The following PSMA5 variants were observed in gnomAD, a reference collection of about 807,000 sequenced individuals.
PSMA5 encodes the protein proteasome subunit alpha type-5.
Under a neutral mutation model 34.5 loss-of-function variants are expected in PSMA5, and 3 were observed. That is an observed-to-expected ratio of 0.09 (90% CI 0.04 to 0.22). The LOEUF (loss-of-function observed/expected upper bound fraction) is 0.22, where lower values mean the gene tolerates loss of function less well. PSMA5 is among the 10% of genes least tolerant of loss of function. The pLI, the probability that PSMA5 is intolerant of heterozygous loss-of-function variation, is 1.00. For synonymous variants in PSMA5, 88 were observed against 95.8 expected, an observed-to-expected ratio of 0.92 and a Z score of 0.47; for missense variants, 120 against 286.1, an observed-to-expected ratio of 0.42 and a Z score of 4.19.
chr1:109,419,133 A>C (rs1328461811), intron 2 of PSMA5, among the ~76,000 whole-genome samples: 1 of 152,224 alleles, frequency 6.6e-6, no homozygotes, highest in African/African-American at 2.4e-5. Flanking sequence ...AGCCTGGGCA[A>C]CAAGAGCAAA....
At chr1:109,424,443 T>C (rs1025320743) in intron 1 of PSMA5, among the ~76,000 whole-genome samples, 3 of 152,124 alleles carry the variant, frequency 2.0e-5, no homozygotes, top group Admixed American at 1.3e-4. Context: ...TCCAAAGTGC[T>C]GGAATTACAG....
chr1:109,402,101 A>G lies in PSMA5; in HGVS notation c.649-11T>C. 1 of 1,605,190 alleles carries G rather than the reference A, an allele frequency of 6.2e-7. No homozygotes were observed. ...CTGCACTGTGGCTAGCTGGAAAGAAAACAGAAGGGTTAATAAGCTGGGCTG... is the reference window on the plus strand; with the variant it reads ...CTGCACTGTGGCTAGCTGGAAAGAAGACAGAAGGGTTAATAAGCTGGGCTG... On this transcript the variant is annotated splice_polypyrimidine_tract_variant and intron_variant, in intron 8 of 8. Transcript: ENST00000271308.
intron 1 of PSMA5, among the ~76,000 whole-genome samples, chr1:109,423,715 T>C (rs1224177935): frequency 6.6e-6 from 1 of 152,216 alleles, no homozygotes; most frequent in Non-Finnish European, 1.5e-5. Flanking sequence ...TCCAACTATA[T>C]GCTAAGTCAT....
At chr1:109,408,848 G>A (rs1171167368) in intron 8 of PSMA5, among the ~76,000 whole-genome samples, 3 of 151,768 alleles carry the variant, frequency 2.0e-5, no homozygotes, top group South Asian at 2.1e-4. Flanking sequence ...CCACCACCAC[G>A]CCTGGCTAAT....
intron 8 of PSMA5, among the ~76,000 whole-genome samples, chr1:109,404,632 C>T (rs186479105): frequency 6.6e-4 from 100 of 152,308 alleles, no homozygotes; most frequent in Non-Finnish European, 1.2e-3. Flanking sequence ...TAATCCCTTA[C>T]ATTTGCATAA....
At chr1:109,412,249 C>T (rs1654020201) in intron 4 of PSMA5, 65 bp from the exon 5 acceptor site, 2 of 1,290,922 alleles carry the variant, frequency 1.5e-6, no homozygotes, top group Non-Finnish European at 2.3e-6. Flanking sequence ...CACCATCTCA[C>T]TACGCACATC....
At position 109,415,322 on chromosome 1, in the gene PSMA5, C is replaced by A; in HGVS notation, c.138G>T (p.Val46=). 1.2e-6 allele frequency: 2 copies of A among 1,613,982 alleles called. No homozygotes were observed. Among genetic ancestry groups the A allele is most frequent in the South Asian group, 2.2e-5 (2 of 91,064 alleles). The change falls in exon 3 of 9, where the codon GTG becomes GTT. Residue 46 remains valine (V), a synonymous_variant. Transcript: ENST00000271308. ...TAIGIQTSEG[V]CLAVEKRITS... is the part of the protein sequence containing the mutation. Reference sequence around the variant, plus strand: ...TAATTCTCTTCTCCACAGCTAGGCACACACCCTCTGATGTCTGGATCCCAA... The same window carrying A: ...TAATTCTCTTCTCCACAGCTAGGCAAACACCCTCTGATGTCTGGATCCCAA...
chr1:109,399,266 T>C lies in PSMA5; in HGVS notation c.*2747A>G, dbSNP rs916429342. The C allele has an allele frequency of 6.6e-5, 10 of 152,216 alleles. No homozygotes were observed. The highest frequency in any genetic ancestry group is 2.4e-4 in the African/African-American group (10 of 41,454). The allele number at this position is 152,216 out of a possible 1,614,324, so 9.4% of individuals were successfully genotyped here. ...CATCTGAGCAGGATAGTAAAATCAC[T>C]AGAATAGTCTTTTTAAGTTCTCAGT... On this transcript the variant is annotated 3_prime_UTR_variant, in exon 9 of 9. Coordinates refer to ENST00000271308, the MANE Select transcript of PSMA5 (RefSeq NM_002790.4).
intron 2 of PSMA5, among the ~76,000 whole-genome samples, 162 bp downstream of exon 2, chr1:109,421,698 A>C (rs1459793351): frequency 6.6e-6 from 1 of 152,140 alleles, no homozygotes; most frequent in Non-Finnish European, 1.5e-5. Flanking sequence ...AGATATTAGG[A>C]ATAGGATTGA....
intron 8 of PSMA5, among the ~76,000 whole-genome samples, chr1:109,407,819 T>A (rs146577331): frequency 0.051 from 7,794 of 151,846 alleles, 222 homozygotes; most frequent in Non-Finnish European, 0.062. Context: ...TTTTTTGTAT[T>A]TTTTTAGTAG....
At chr1:109,410,982 T>C (rs1653964387) in intron 7 of PSMA5, 29 bp downstream of exon 7, 1 of 1,481,840 alleles carries the variant, frequency 6.7e-7, no homozygotes. Flanking sequence ...GATAAAAAAA[T>C]AGTAAGAGTT....
chr1:109,410,803 G>C (rs143600594), intron 7 of PSMA5, among the ~76,000 whole-genome samples: 1 of 152,250 alleles, frequency 6.6e-6, no homozygotes, highest in Non-Finnish European at 1.5e-5. Flanking sequence ...AATGGAGAGT[G>C]GTAAACATGG....
At chr1:109,407,833 C>T (rs546112198) in intron 8 of PSMA5, among the ~76,000 whole-genome samples, 138 of 151,936 alleles carry the variant, frequency 9.1e-4, no homozygotes, top group African/African-American at 2.9e-3. Flanking sequence ...TTAGTAGAGA[C>T]GGGGTTTCAC....
intron 8 of PSMA5, among the ~76,000 whole-genome samples, chr1:109,403,587 C>T (rs1259535449): frequency 1.3e-5 from 2 of 151,950 alleles, no homozygotes; most frequent in Non-Finnish European, 2.9e-5. Flanking sequence ...TTGTGATCAT[C>T]CCACTGCACT....
chr1:109,410,654 ACCATGGTATATTACTCAG>A (rs1557840827), intron 7 of PSMA5, among the ~76,000 whole-genome samples: 1 of 152,260 alleles, frequency 6.6e-6, no homozygotes, highest in Non-Finnish European at 1.5e-5. Flanking sequence ...GTACATCCAT[ACCATGGTATATTACTCAG>A]CCATCAAACG....
At chr1:109,421,966 A>G in intron 1 of PSMA5, 40 bp from the exon 2 acceptor site, 1 of 1,310,416 alleles carries the variant, frequency 7.6e-7, no homozygotes, top group Non-Finnish European at 1.0e-6. Flanking sequence ...ACTCATAAAA[A>G]CTAGCCATGT....
Position 109,399,474 on chromosome 1 carries a change from A to C in PSMA5, c.*2539T>G, listed in dbSNP as rs950212902. ...GGGGGAGGAAAGGGGGTTATAAAGG[A>C]ATATTTCTTTGTTTGGGTGACACAA... On this transcript the variant is annotated 3_prime_UTR_variant, in exon 9 of 9. Coordinates refer to ENST00000271308, the MANE Select transcript of PSMA5 (RefSeq NM_002790.4). The C allele has an allele frequency of 6.6e-6, 1 of 152,242 alleles. No homozygotes were observed. The highest frequency in any genetic ancestry group is 2.4e-5 in the African/African-American group (1 of 41,432). 9.4% of individuals were successfully genotyped at this position (152,242 alleles called of 1,614,324 possible).
At chr1:109,413,219 T>C (rs1361911572) in intron 3 of PSMA5, 84 bp from the exon 4 acceptor site, 5 of 1,309,706 alleles carry the variant, frequency 3.8e-6, no homozygotes, top group South Asian at 1.2e-5. Flanking sequence ...AAATTCTGGA[T>C]TGGAACCACG....
chr1:109,420,626 AG>A (rs1018935725), intron 2 of PSMA5, among the ~76,000 whole-genome samples: 1 of 152,214 alleles, frequency 6.6e-6, no homozygotes. Context: ...TTTAGCACTT[AG>A]TTGTTCTCTA....
Sources: allele counts gnomAD v4.1 joint callset (sites outside exome capture counted in the v4.1 genomes callset), GRCh38; gene constraint gnomAD v4.1.1; transcripts MANE v1.5; gene names NCBI Gene and HGNC (gene_info 2026-07-23, HGNC 2026-07-21).